Variants in NRG3 observed in about 807,000 individuals in gnomAD.
NRG3 encodes pro-neuregulin-3, membrane-bound isoform.
In NRG3, 31 loss-of-function variants were observed where a neutral mutation model predicts 66.9. The ratio of observed to expected loss-of-function variants is 0.46; its 90% CI spans 0.35 to 0.63. NRG3 has a LOEUF of 0.63. NRG3 is among the 20% of genes least tolerant of loss of function. NRG3 has a pLI of 0.00. For synonymous variants in NRG3, 393 were observed against 359.4 expected (o/e 1.09, Z -1.06); for missense variants, 910 against 878.9 (o/e 1.04, Z -0.45).
chr10:82,032,282 T>G (rs1011704833), intron 1 of NRG3, among the ~76,000 whole-genome samples: 1 of 152,068 alleles, frequency 6.6e-6, no homozygotes, highest in Non-Finnish European at 1.5e-5. Flanking sequence ...TAGCATTCAT[T>G]TTAAGAATAC....
chr10:82,506,509 G>C (rs1844696498), intron 2 of NRG3, among the ~76,000 whole-genome samples: 1 of 151,906 alleles, frequency 6.6e-6, no homozygotes, highest in Non-Finnish European at 1.5e-5. Flanking sequence ...TCCTCTATCT[G>C]CTTGGAATTT....
chr10:82,573,136 A>G (rs1223101269), intron 2 of NRG3, among the ~76,000 whole-genome samples: 4 of 151,850 alleles, frequency 2.6e-5, no homozygotes, highest in African/African-American at 9.7e-5. Context: ...CTTATTGCAC[A>G]TTGCTGAGTC....
intron 1 of NRG3, among the ~76,000 whole-genome samples, chr10:81,990,399 G>A (rs1341816639): frequency 6.6e-6 from 1 of 152,086 alleles, no homozygotes; most frequent in African/African-American, 2.4e-5. Flanking sequence ...GAAGTCATCT[G>A]TATTTTATGT....
intron 2 of NRG3, among the ~76,000 whole-genome samples, chr10:82,564,293 T>A (rs1174032151): frequency 6.6e-6 from 1 of 152,166 alleles, no homozygotes; most frequent in Non-Finnish European, 1.5e-5. Flanking sequence ...ATATTTTCTG[T>A]TGATTCATTT....
chr10:82,698,695 T>C (rs141835250), intron 2 of NRG3, among the ~76,000 whole-genome samples: 22 of 152,160 alleles, frequency 1.4e-4, no homozygotes, highest in African/African-American at 5.3e-4. Flanking sequence ...AGTGTTCTTA[T>C]CTGTAAAGTG....
intron 3 of NRG3, among the ~76,000 whole-genome samples, chr10:82,756,386 A>C (rs977063308): frequency 6.6e-6 from 1 of 152,144 alleles, no homozygotes; most frequent in Non-Finnish European, 1.5e-5. Flanking sequence ...CCGGTTTTAC[A>C]TACTAATGTA....
chr10:82,185,569 G>T (rs2133279780), intron 1 of NRG3, among the ~76,000 whole-genome samples: 1 of 152,288 alleles, frequency 6.6e-6, no homozygotes, highest in African/African-American at 2.4e-5. Flanking sequence ...GCATACTGCA[G>T]CTTATTAGAG....
Position 82,866,120 on chromosome 10 carries a change from A to G in NRG3, c.1054+683A>G, listed in dbSNP as rs763428442. ...ATTAAATGAAGAAAGAACATTTCATAAAGTTCAATATGCATCGTAGTACAT... is the reference window on the plus strand; with the variant it reads ...ATTAAATGAAGAAAGAACATTTCATGAAGTTCAATATGCATCGTAGTACAT... On this transcript the variant is annotated intron_variant, in intron 4 of 8. Transcript: ENST00000372141. Among the ~76,000 whole-genome samples, 38 of 152,294 alleles carry G rather than the reference A, an allele frequency of 2.5e-4. No individual in the cohort carries two copies. The Middle Eastern group carries it at 0.01, about 41-fold the overall frequency.
At chr10:82,000,498 A>C (rs2061120735) in intron 1 of NRG3, among the ~76,000 whole-genome samples, 1 of 152,178 alleles carries the variant, frequency 6.6e-6, no homozygotes. Context: ...GACTGGAAGC[A>C]GGGTCATGTA....
intron 4 of NRG3, among the ~76,000 whole-genome samples, chr10:82,935,444 A>G (rs1237814297): frequency 2.0e-5 from 3 of 152,228 alleles, no homozygotes; most frequent in Non-Finnish European, 4.4e-5. Context: ...TAGAAATAAA[A>G]TAAATGTCCA....
intron 2 of NRG3, among the ~76,000 whole-genome samples, chr10:82,728,599 C>T (rs2057736446): frequency 6.6e-6 from 1 of 152,142 alleles, no homozygotes; most frequent in Non-Finnish European, 1.5e-5. Flanking sequence ...TTGGGTATGT[C>T]TTTATCAGCA....
At chr10:82,693,254 T>TGTACTAGTTTGGCTCGTC (rs2055089492) in intron 2 of NRG3, among the ~76,000 whole-genome samples, 1 of 152,218 alleles carries the variant, frequency 6.6e-6, no homozygotes, top group Non-Finnish European at 1.5e-5. Context: ...ATTCATTTAT[T>TGTACTAGTTTGGCTCGTC]TTAAATAAAC....
rs576915314 is a variant in NRG3, at chr10:82,520,999, G to A, written c.953+162131G>A. Among the ~76,000 whole-genome samples, 19 of 152,190 alleles carry A rather than the reference G, an allele frequency of 1.2e-4. No individual in the cohort carries two copies. In the East Asian group the frequency reaches 3.5e-3, roughly 28 times the overall value. On this transcript the variant is annotated intron_variant, in intron 2 of 8. Transcript: ENST00000372141. ...GATAAAAAATAATTTTTAAGCATAA[G>A]GCTGCAGCATGGGATATACTCAATA... is the stretch of plus-strand genomic sequence containing the variant.
intron 4 of NRG3, among the ~76,000 whole-genome samples, chr10:82,921,487 G>A (rs566044624): frequency 3.5e-4 from 53 of 152,240 alleles, no homozygotes; most frequent in African/African-American, 1.2e-3. Context: ...TCATTGTGAC[G>A]AACGTACTGT....
chr10:82,567,913 C>T (rs1285331159), intron 2 of NRG3, among the ~76,000 whole-genome samples: 1 of 151,854 alleles, frequency 6.6e-6, no homozygotes, highest in Non-Finnish European at 1.5e-5. Context: ...CTGCCAAAAT[C>T]ATACACCTAA....
intron 2 of NRG3, among the ~76,000 whole-genome samples, chr10:82,627,491 A>G (rs2049511299): frequency 6.6e-6 from 1 of 152,156 alleles, no homozygotes; most frequent in South Asian, 2.1e-4. Context: ...TAAAACAATA[A>G]TATGCTGAAA....
intron 4 of NRG3, among the ~76,000 whole-genome samples, chr10:82,912,157 C>G (rs1454685085): frequency 6.6e-6 from 1 of 152,098 alleles, no homozygotes; most frequent in Non-Finnish European, 1.5e-5. Context: ...TAGATTAAGT[C>G]TTCTATAAAT....
intron 2 of NRG3, among the ~76,000 whole-genome samples, chr10:82,580,090 AC>A (rs1222745376): frequency 1.3e-5 from 2 of 151,930 alleles, no homozygotes; most frequent in Non-Finnish European, 2.9e-5. Flanking sequence ...TATAATACCT[AC>A]TACAATATAA....
At chr10:82,961,290 A>C (rs1447289592) in intron 6 of NRG3, among the ~76,000 whole-genome samples, 1 of 152,240 alleles carries the variant, frequency 6.6e-6, no homozygotes, top group Non-Finnish European at 1.5e-5. Context: ...ATGGATTGGA[A>C]AAATTAATAT....
Sources: gnomAD v4.1 joint callset for allele counts (sites outside exome capture counted in the v4.1 genomes callset) on GRCh38, gnomAD v4.1.1 for gene constraint, MANE v1.5 for transcripts, NCBI Gene and HGNC (gene_info 2026-07-23, HGNC 2026-07-21) for gene names.